Variants in SCTR observed in about 807,000 individuals in gnomAD.
The protein encoded by SCTR is secretin receptor.
Under a neutral mutation model 60.8 loss-of-function variants are expected in SCTR, and 56 were observed. That is an observed-to-expected ratio of 0.92 (90% CI 0.74 to 1.15). The LOEUF (loss-of-function observed/expected upper bound fraction) is 1.15. Ranked by LOEUF, SCTR falls within the 50% of genes most tolerant of loss-of-function variation. SCTR has a pLI of 0.00. For missense variants in SCTR, 562 were observed against 550.4 expected (o/e 1.02, Z -0.21); for synonymous variants, 202 against 217.0 (o/e 0.93, Z 0.61).
chr2:119,466,502 A>T (rs1334066944), intron 4 of SCTR, among the ~76,000 whole-genome samples: 1 of 152,184 alleles, frequency 6.6e-6, no homozygotes, highest in African/African-American at 2.4e-5. Flanking sequence ...CTGTAATCCC[A>T]GCACTTTGGG....
At chr2:119,446,736 C>A in intron 11 of SCTR, 23 bp downstream of exon 11, 1 of 1,471,456 alleles carries the variant, frequency 6.8e-7, no homozygotes, top group Non-Finnish European at 9.1e-7. Flanking sequence ...TTTCAGCTGG[C>A]AGCCCCAGTC....
intron 7 of SCTR, among the ~76,000 whole-genome samples, 200 bp from the exon 8 acceptor site, chr2:119,453,547 G>C (rs1213065480): frequency 6.6e-6 from 1 of 152,216 alleles, no homozygotes; most frequent in African/African-American, 2.4e-5. Context: ...GGCATGCCCT[G>C]GGGACTATGG....
Position 119,464,140 on chromosome 2 carries a change from A to G in SCTR, c.619T>C (p.Tyr207His). ...AVLFSSDDVT[Y>H]CDAHRAGCKL... ...CATATTACCCTGTGGGCATCGCAGT[A>G]GGTGACATCATCTGAGGAGAAGAGC... is the stretch of plus-strand genomic sequence containing the variant. Residue 207 changes from tyrosine (Y) to histidine (H), a missense_variant, in exon 6 of 13, where the codon TAC becomes CAC. By Grantham distance (83) the Tyr-to-His change is moderately conservative. Coordinates refer to ENST00000019103, the MANE Select transcript of SCTR (RefSeq NM_002980.3). The G allele has an allele frequency of 6.2e-7, 1 of 1,614,222 alleles. No individual in the cohort carries two copies. Among genetic ancestry groups the G allele is most frequent in the Non-Finnish European group, 8.5e-7 (1 of 1,180,036 alleles).
chr2:119,515,764 C>T (rs1375011732), intron 1 of SCTR, among the ~76,000 whole-genome samples: 1 of 152,196 alleles, frequency 6.6e-6, no homozygotes, highest in Non-Finnish European at 1.5e-5. Context: ...CTCAGAACCA[C>T]GTTGGCCTGA....
intron 9 of SCTR, among the ~76,000 whole-genome samples, chr2:119,449,999 A>G (rs1241158239): frequency 4.8e-5 from 6 of 123,776 alleles, no homozygotes; most frequent in Admixed American, 8.4e-5. Flanking sequence ...GAAGGAAGAA[A>G]GAGGGAGGGA....
In SCTR at chr2:119,498,278, C is replaced by T. The variant is rs1022737142; in HGVS notation, c.73-3730G>A. ...GAATCCTATACTCAGTAAAAATATC[C>T]TCCAGGAATGAAGGGGAAATCAAGA... is the stretch of plus-strand genomic sequence containing the variant. On this transcript the variant is annotated intron_variant, in intron 1 of 12. Coordinates refer to ENST00000019103, the MANE Select transcript of SCTR (RefSeq NM_002980.3). 2.4e-4 allele frequency among the ~76,000 whole-genome samples: 37 copies of T among 152,140 alleles called. 1 individual carries two copies. Among genetic ancestry groups the T allele is most frequent in the African/African-American group, 4.8e-5 (2 of 41,520 alleles).
chr2:119,518,505 C>T (rs1453920491), intron 1 of SCTR, among the ~76,000 whole-genome samples: 1 of 152,132 alleles, frequency 6.6e-6, no homozygotes, highest in Non-Finnish European at 1.5e-5. Flanking sequence ...GCTAAGACTG[C>T]GGGACGTGAT....
chr2:119,445,026 A>T (rs528801363), intron 11 of SCTR, among the ~76,000 whole-genome samples: 3 of 148,148 alleles, frequency 2.0e-5, no homozygotes, highest in Non-Finnish European at 3.0e-5. Context: ...ACTTTAAAAG[A>T]TCCTTTTTCT....
In SCTR at chr2:119,451,502, C is replaced by T. The variant is rs544356959; in HGVS notation, c.921+508G>A. Among the ~76,000 whole-genome samples, 4 of 152,338 alleles carry T rather than the reference C, an allele frequency of 2.6e-5. No individual in the cohort carries two copies. The East Asian group carries it at 7.7e-4, about 29-fold the overall frequency. On this transcript the variant is annotated intron_variant, in intron 9 of 12. Transcript: ENST00000019103. Reference sequence around the variant, plus strand: ...GCTCCTGTCCAAGATGGTCACCCAGCATCTCTTCCCTGGGGCCGCCCCTCC... The same window carrying T: ...GCTCCTGTCCAAGATGGTCACCCAGTATCTCTTCCCTGGGGCCGCCCCTCC...
At chr2:119,449,896 C>A (rs1490246078) in intron 9 of SCTR, among the ~76,000 whole-genome samples, 2 of 141,014 alleles carry the variant, frequency 1.4e-5, no homozygotes, top group Admixed American at 1.5e-4. Context: ...ATTTTGTTTG[C>A]CTTAGAGTTG....
chr2:119,522,370 A>G (rs1007894991), intron 1 of SCTR, among the ~76,000 whole-genome samples: 1 of 152,110 alleles, frequency 6.6e-6, no homozygotes, highest in African/African-American at 2.4e-5. Flanking sequence ...ATGGTTGGGA[A>G]TCAAGAGATC....
intron 11 of SCTR, among the ~76,000 whole-genome samples, chr2:119,443,188 G>C (rs531207662): frequency 9.2e-5 from 14 of 152,306 alleles, no homozygotes; most frequent in Admixed American, 6.5e-4. Flanking sequence ...AGTGTATATA[G>C]GGCAGGCCTC....
At chr2:119,473,097 G>C (rs1045702889) in intron 4 of SCTR, among the ~76,000 whole-genome samples, 1 of 152,202 alleles carries the variant, frequency 6.6e-6, no homozygotes, top group Non-Finnish European at 1.5e-5. Flanking sequence ...GCCCCACTAA[G>C]GTCAAGGTCG....
intron 4 of SCTR, among the ~76,000 whole-genome samples, chr2:119,469,464 G>T (rs540540336): frequency 6.6e-6 from 1 of 152,100 alleles, no homozygotes; most frequent in African/African-American, 2.4e-5. Context: ...CTCCCTGAAG[G>T]TTTCATGTGA....
chr2:119,478,119 C>A (rs1347749946), intron 3 of SCTR, among the ~76,000 whole-genome samples: 1 of 152,194 alleles, frequency 6.6e-6, no homozygotes, highest in African/African-American at 2.4e-5. Flanking sequence ...GCTTTGCTGT[C>A]CTGCATGGAC....
intron 2 of SCTR, among the ~76,000 whole-genome samples, chr2:119,489,326 T>C (rs1030830262): frequency 2.0e-5 from 3 of 152,070 alleles, no homozygotes; most frequent in Non-Finnish European, 4.4e-5. Context: ...CATCTCCCAC[T>C]CTCTCCTTGG....
rs1678680684 is a variant in SCTR at position 119,504,861 on chromosome 2, T to C, written c.73-10313A>G. Among the ~76,000 whole-genome samples, 8 of 152,176 alleles carry C rather than the reference T, an allele frequency of 5.3e-5. No homozygotes were observed. The South Asian group carries it at 1.7e-3, about 32-fold the overall frequency. ...ATATCTAAAATATACAAAGAATGCT[T>C]GAAACTCAACAGTAAAGAAGCAAAA... On this transcript the variant is annotated intron_variant, in intron 1 of 12. Coordinates refer to ENST00000019103, the MANE Select transcript of SCTR (RefSeq NM_002980.3).
At chr2:119,489,284 C>A (rs766703937) in intron 2 of SCTR, among the ~76,000 whole-genome samples, 2 of 152,188 alleles carry the variant, frequency 1.3e-5, no homozygotes, top group Admixed American at 6.5e-5. Context: ...GTGTCCTCTG[C>A]GGGGGCCTCA....
chr2:119,465,976 C>T, intron 4 of SCTR, 90 bp from the exon 5 acceptor site: 1 of 827,496 alleles, frequency 1.2e-6, no homozygotes, highest in East Asian at 2.5e-5. Context: ...GCAGCTTGAA[C>T]CCACCGACGC....
Sources: allele counts gnomAD v4.1 joint callset (sites outside exome capture counted in the v4.1 genomes callset), GRCh38; gene constraint gnomAD v4.1.1; transcripts MANE v1.5; gene names NCBI Gene and HGNC (gene_info 2026-07-23, HGNC 2026-07-21).